Variants in LAMC3 observed in about 807,000 individuals in gnomAD.
LAMC3 encodes laminin subunit gamma 3, also known as laminin subunit gamma-3.
Under a neutral mutation model 173.8 loss-of-function variants are expected in LAMC3, and 128 were observed. The ratio of observed to expected loss-of-function variants is 0.74; its 90% CI spans 0.64 to 0.85. The LOEUF is 0.85. Ranked by LOEUF, LAMC3 falls within the 40% of genes least tolerant of loss-of-function variation. The pLI is 0.00. For missense variants in LAMC3, 2,022 were observed against 2,156.0 expected, an observed-to-expected ratio of 0.94 and a Z score of 1.23; for synonymous variants, 897 against 909.1, an observed-to-expected ratio of 0.99 and a Z score of 0.24.
chr9:131,060,646 TAATAA>T (rs1829787918), intron 12 of LAMC3, among the ~76,000 whole-genome samples: 1 of 4,750 alleles, frequency 2.1e-4, no homozygotes, highest in African/African-American at 7.4e-3. Flanking sequence ...CTGTCTCAAC[TAATAA>T]TAATAATAAT....
chr9:131,070,565 G>A (rs567030895), intron 17 of LAMC3, among the ~76,000 whole-genome samples: 2 of 152,194 alleles, frequency 1.3e-5, no homozygotes, highest in Non-Finnish European at 2.9e-5. Context: ...ACAAAAATTC[G>A]CCGGGTGGGG....
rs776047232 is a variant in LAMC3, at chr9:131,052,504, A to G, written c.1644A>G (p.Gly548=). 3.1e-6 allele frequency: 5 copies of G among 1,614,142 alleles called. No individual in the cohort carries two copies. Among genetic ancestry groups the G allele is most frequent in the Non-Finnish European group, 2.5e-6 (3 of 1,179,956 alleles). Residue 548 remains glycine (G), a synonymous_variant, in exon 10 of 28, where the codon GGA becomes GGG. Transcript: ENST00000361069. ...TCTTGTCTTCAGAGAAGTTCCTGGG[A>G]GACCAGCGGTTCAGCTATGGGCAGC... ...EELTAPEKFL[G]DQRFSYGQPL... is the part of the protein sequence containing the mutation.
chr9:131,090,215 A>G (rs1830400125), intron 27 of LAMC3, among the ~76,000 whole-genome samples: 1 of 152,140 alleles, frequency 6.6e-6, no homozygotes, highest in South Asian at 2.1e-4. Flanking sequence ...TCGACACCTA[A>G]GGCCCTGTCG....
chr9:131,075,205 T>C (rs1427068737), intron 20 of LAMC3, among the ~76,000 whole-genome samples: 3 of 152,100 alleles, frequency 2.0e-5, no homozygotes, highest in East Asian at 3.9e-4. Flanking sequence ...GAGTTTGAGG[T>C]TGCAGTGAGC....
chr9:131,087,796 T>C lies in LAMC3; in HGVS notation c.4456T>C (p.Ser1486Pro). 1 of 1,614,046 alleles carries C rather than the reference T, an allele frequency of 6.2e-7. No homozygotes were observed. The highest frequency in any genetic ancestry group is 8.5e-7 in the Non-Finnish European group (1 of 1,180,026). ...ACTGGAGAAGGACATCGAGACCTTG[T>C]CAGAGCTGCTTGCCAGGCTGGGTAA... ...ISLEKDIETL[S>P]ELLARLGSLD... Residue 1486 changes from serine (S) to proline (P), a missense_variant, in exon 27 of 28, where the codon TCA becomes CCA. Physicochemically the swap from Ser to Pro is moderately conservative, Grantham distance 74. Coordinates refer to ENST00000361069, the MANE Select transcript of LAMC3 (RefSeq NM_006059.4).
intron 22 of LAMC3, 114 bp downstream of exon 22, chr9:131,077,448 G>A (rs966949814): frequency 3.8e-5 from 52 of 1,352,724 alleles, no homozygotes; most frequent in African/African-American, 3.6e-4. Flanking sequence ...AGGCCGAGGC[G>A]GGTGGATCAC....
At chr9:131,040,086 C>G (rs1834021123) in intron 6 of LAMC3, among the ~76,000 whole-genome samples, 1 of 144,690 alleles carries the variant, frequency 6.9e-6, no homozygotes, top group African/African-American at 2.5e-5. Context: ...GCCATCTTGG[C>G]TCACTGCAAC....
intron 24 of LAMC3, among the ~76,000 whole-genome samples, chr9:131,084,021 C>A (rs1830286761): frequency 6.7e-6 from 1 of 148,492 alleles, no homozygotes; most frequent in Non-Finnish European, 1.5e-5. Context: ...ATTACAGGTG[C>A]CCGCCACCAC....
chr9:131,091,404 A>G, intron 27 of LAMC3, 133 bp from the exon 28 acceptor site: 1 of 1,265,136 alleles, frequency 7.9e-7, no homozygotes, highest in Non-Finnish European at 1.1e-6. Flanking sequence ...TCTGCTCCCC[A>G]TCTTTCCCTG....
At position 131,052,652 on chromosome 9, in the gene LAMC3, G is replaced by A. The variant is rs116422150; in HGVS notation, c.1792G>A (p.Gly598Arg). The stretch of plus-strand genomic sequence containing the variant: ...TAGCCTGTCTGGCCCCCAGGATGCC[G>A]GGCATCCCAGGGAGGTAGAGCTCAG... ...HSSLSGPQDA[G>R]HPREVELRFH... The change falls in exon 10 of 28, where the codon GGG (glycine) becomes AGG (arginine). Residue 598 changes from glycine (G) to arginine (R), a missense_variant. Physicochemically the swap from Gly to Arg is moderately radical, Grantham distance 125. Coordinates refer to ENST00000361069, the MANE Select transcript of LAMC3 (RefSeq NM_006059.4). The A allele has an allele frequency of 2.7e-3, 4,319 of 1,613,700 alleles. 36 individuals are homozygous for A. In the African/African-American group the frequency reaches 0.027, roughly 10 times the overall value.
chr9:131,064,017 C>T (rs893532287), intron 13 of LAMC3, among the ~76,000 whole-genome samples: 1 of 152,280 alleles, frequency 6.6e-6, no homozygotes, highest in East Asian at 1.9e-4. Context: ...AAGCGATTCT[C>T]CTGCCTCAGC....
At chr9:131,020,013 C>T (rs1023076465) in intron 1 of LAMC3, among the ~76,000 whole-genome samples, 3 of 152,090 alleles carry the variant, frequency 2.0e-5, no homozygotes, top group Non-Finnish European at 4.4e-5. Flanking sequence ...GGCCCACATC[C>T]GGCACTGACC....
intron 6 of LAMC3, among the ~76,000 whole-genome samples, chr9:131,041,212 CA>C (rs1235664377): frequency 1.8e-4 from 27 of 151,884 alleles, no homozygotes; most frequent in African/African-American, 6.5e-4. Context: ...ACTAAAAATA[CA>C]AAAATTAGCT....
At position 131,009,345 on chromosome 9, in the gene LAMC3, T is replaced by A. The variant is rs1213530598; in HGVS notation, c.131T>A (p.Phe44Tyr). 2.0e-6 allele frequency: 3 copies of A among 1,497,138 alleles called. No homozygotes were observed. The highest frequency in any genetic ancestry group is 4.4e-5 in the Admixed American group (2 of 45,712). The allele number at this position is 1,497,138 out of a possible 1,614,324, so 92.7% of individuals were successfully genotyped here. ...CTGCCGGTGTTCGAGAACGCGGCGT[T>A]TGGGCGGCTCGCCCAGGCCTCGCAC... ...RCLPVFENAA[F>Y]GRLAQASHTC... The change falls in exon 1 of 28, where the codon TTT becomes TAT. Residue 44 changes from phenylalanine (F) to tyrosine (Y), a missense_variant. Physicochemically the swap from Phe to Tyr is conservative, Grantham distance 22. Transcript: ENST00000361069. This position sits in a 1 kb window ranked among gnomAD's most constrained non-coding sequence, Gnocchi z 4.3.
chr9:131,049,447 C>T (rs1439544797), intron 9 of LAMC3, among the ~76,000 whole-genome samples: 4 of 152,158 alleles, frequency 2.6e-5, no homozygotes, highest in Non-Finnish European at 5.9e-5. Flanking sequence ...AACTCCCCTG[C>T]CTCCCTCTTG....
rs1384673320 is a variant in LAMC3 at position 131,038,948 on chromosome 9, A to G, written c.1061A>G (p.His354Arg). Residue 354 changes from histidine to arginine, a missense_variant, in exon 5 of 28, where the codon CAC becomes CGC. Transcript: ENST00000361069. ...RSTGHGGRCH[H>R]CRDHTAGPHC... ...ACAGGCCACGGCGGGCGCTGTCACC[A>G]CTGCCGTGACCACACAGCTGGGCCA... 6.2e-7 allele frequency: 1 copy of G among 1,613,048 alleles called. No homozygotes were observed. The highest frequency in any genetic ancestry group is 8.5e-7 in the Non-Finnish European group (1 of 1,179,930).
intron 3 of LAMC3, among the ~76,000 whole-genome samples, chr9:131,032,772 T>C (rs12346998): frequency 6.6e-6 from 1 of 152,132 alleles, no homozygotes; most frequent in East Asian, 1.9e-4. Flanking sequence ...AGGTTCAAGG[T>C]ATTCACCTGT....
chr9:131,036,189 G>A lies in LAMC3; in HGVS notation c.833G>A (p.Ser278Asn), dbSNP rs1292060719. 1 of 1,613,106 alleles carries A rather than the reference G, an allele frequency of 6.2e-7. No homozygotes were observed. The highest frequency in any genetic ancestry group is 2.2e-5 in the East Asian group (1 of 44,870). Residue 278 changes from serine (S) to asparagine (N), a missense_variant, in exon 4 of 28, where the codon AGC (serine) becomes AAC (asparagine). Coordinates refer to ENST00000361069, the MANE Select transcript of LAMC3 (RefSeq NM_006059.4). The stretch of plus-strand genomic sequence containing the variant: ...AGGTGCAAGTGCAACGGGCATGCCA[G>A]CGAGTGCGGCCCCGACGTGGCAGGC... The part of the protein sequence containing the change: ...GGRCKCNGHA[S>N]ECGPDVAGQL...
chr9:131,081,856 G>A (rs544752388), intron 23 of LAMC3, among the ~76,000 whole-genome samples: 1 of 152,340 alleles, frequency 6.6e-6, no homozygotes, highest in African/African-American at 2.4e-5. Context: ...GGCTTTTGTG[G>A]ACAGGTATCT....
Sources: gnomAD v4.1 joint callset for allele counts (sites outside exome capture counted in the v4.1 genomes callset) on GRCh38, gnomAD v4.1.1 for gene constraint, Gnocchi (gnomAD v3.1) non-coding constraint, MANE v1.5 for transcripts, NCBI Gene and HGNC (gene_info 2026-07-23, HGNC 2026-07-21) for gene names.